Variants in SPTAN1 observed in about 807,000 individuals in gnomAD.
The protein encoded by SPTAN1 is spectrin alpha chain, non-erythrocytic 1.
In SPTAN1, 61 loss-of-function variants were observed where a neutral mutation model predicts 331.3. The ratio of observed to expected loss-of-function variants is 0.18; its 90% CI spans 0.15 to 0.23. The LOEUF is 0.23. Among genes scored for constraint, SPTAN1 ranks in the 10% least tolerant of loss-of-function variants. SPTAN1 has a pLI of 1.00. For missense variants in SPTAN1, 2,043 were observed against 3,147.9 expected, an observed-to-expected ratio of 0.65 and a Z score of 8.40; for synonymous variants, 1,153 against 1,173.9, an observed-to-expected ratio of 0.98 and a Z score of 0.36.
Position 128,584,532 on chromosome 9 carries a change from C to T in SPTAN1, c.2437+7C>T. ...GCCGCATCTACCAACAGAGGTCAGT[C>T]TGCTTCCCTCAGGTAGGAATCAACT... On this transcript the variant is annotated splice_region_variant and intron_variant, in intron 17 of 56. Coordinates refer to ENST00000372739, the MANE Select transcript of SPTAN1 (RefSeq NM_001130438.3). 1 of 1,614,096 alleles carries T rather than the reference C, an allele frequency of 6.2e-7. No homozygotes were observed. Among genetic ancestry groups the T allele is most frequent in the South Asian group, 1.1e-5 (1 of 91,032 alleles).
chr9:128,613,631 T>G (rs868702130), intron 40 of SPTAN1, 146 bp downstream of exon 40: 14 of 679,040 alleles, frequency 2.1e-5, no homozygotes, highest in Middle Eastern at 7.8e-4. Context: ...AGGATCATTA[T>G]ACACTTGGCA....
intron 33 of SPTAN1, 34 bp from the exon 34 acceptor site, chr9:128,608,096 C>T (rs1378006451): frequency 6.2e-7 from 1 of 1,614,182 alleles, no homozygotes; most frequent in South Asian, 1.1e-5. Flanking sequence ...TGCTGAAGGG[C>T]CTCATTTTCT....
rs886063496 is a variant in SPTAN1, at chr9:128,552,627, C to G, written c.-73C>G. On this transcript the variant is annotated 5_prime_UTR_variant, in exon 1 of 57. Transcript: ENST00000372739. The surrounding 1 kb of genome is among the most constrained non-coding windows in gnomAD (Gnocchi z 4.6). ...GGAGTGAACGGTGTGGAGCGGAGGC[C>G]GCGGAGGCTCCTCGGTCCTTCAGCA... is the stretch of plus-strand genomic sequence containing the variant. 1.3e-5 allele frequency: 2 copies of G among 151,616 alleles called. No homozygotes were observed. Among genetic ancestry groups the G allele is most frequent in the Non-Finnish European group, 2.9e-5 (2 of 67,890 alleles). 9.4% of individuals were successfully genotyped at this position (151,616 alleles called of 1,614,324 possible). A position where few individuals can be genotyped will look rare whatever the true frequency, so the allele number is the denominator to read the frequency against.
At chr9:128,597,460 A>G (rs1854462248) in intron 24 of SPTAN1, among the ~76,000 whole-genome samples, 1 of 152,078 alleles carries the variant, frequency 6.6e-6, no homozygotes. Context: ...GGAGGTAGAG[A>G]CTGCAGTGAT....
chr9:128,563,939 A>G (rs898626359), intron 1 of SPTAN1, among the ~76,000 whole-genome samples: 4 of 151,942 alleles, frequency 2.6e-5, no homozygotes, highest in Admixed American at 6.6e-5. Flanking sequence ...CGCCCGGCCT[A>G]TTCAACCAAC....
chr9:128,565,679 C>G (rs1213328429), intron 1 of SPTAN1, among the ~76,000 whole-genome samples: 2 of 152,226 alleles, frequency 1.3e-5, no homozygotes, highest in African/African-American at 2.4e-5. Context: ...ATTCCTAACT[C>G]TTAGCCTACT....
intron 37 of SPTAN1, among the ~76,000 whole-genome samples, chr9:128,610,027 T>C (rs939727142): frequency 6.6e-6 from 1 of 152,220 alleles, no homozygotes; most frequent in Non-Finnish European, 1.5e-5. Flanking sequence ...TCAGACTTGC[T>C]ATGAGCTCAT....
intron 24 of SPTAN1, among the ~76,000 whole-genome samples, 162 bp from the exon 25 acceptor site, chr9:128,598,238 A>G (rs1241851480): frequency 6.7e-6 from 1 of 150,202 alleles, no homozygotes; most frequent in Non-Finnish European, 1.5e-5. Context: ...GTGAGCCACC[A>G]TGCCCCCAGC....
chr9:128,557,798 TC>T lies in SPTAN1; in HGVS notation c.-4+5103del, dbSNP rs142346263. Reference sequence around the variant, plus strand: ...GTATCTTTGGATTAAATTAGAAATTTCTTTTTTTTTTTTTTTTTTTTTTGAG... The same window carrying T: ...GTATCTTTGGATTAAATTAGAAATTTTTTTTTTTTTTTTTTTTTTTTTGAG... On this transcript the variant is annotated intron_variant, in intron 1 of 56. Transcript: ENST00000372739. Among the ~76,000 whole-genome samples the T allele has an allele frequency of 5.4e-3, 685 of 127,116 alleles. 4 individuals are homozygous for T. Among genetic ancestry groups the T allele is most frequent in the African/African-American group, 0.017 (628 of 36,398 alleles). 83.4% of individuals were successfully genotyped at this position (127,116 alleles called of 152,430 possible).
At chr9:128,623,330 C>T (rs1403664209) in intron 45 of SPTAN1, among the ~76,000 whole-genome samples, 1 of 151,706 alleles carries the variant, frequency 6.6e-6, no homozygotes, top group East Asian at 1.9e-4. Flanking sequence ...TCGCCTTGTG[C>T]TGAAATTACA....
At chr9:128,603,363 G>A (rs1855423087) in intron 27 of SPTAN1, among the ~76,000 whole-genome samples, 180 bp from the exon 28 acceptor site, 1 of 152,108 alleles carries the variant, frequency 6.6e-6, no homozygotes, top group Non-Finnish European at 1.5e-5. Flanking sequence ...TGCACTTTGG[G>A]TATTTTCATG....
At chr9:128,612,886 T>C (rs1022197036) in intron 39 of SPTAN1, among the ~76,000 whole-genome samples, 2 of 151,850 alleles carry the variant, frequency 1.3e-5, no homozygotes, top group Non-Finnish European at 2.9e-5. Context: ...GATCACACCA[T>C]TGCACTCCAG....
chr9:128,604,660 G>A (rs1855589068), intron 29 of SPTAN1, among the ~76,000 whole-genome samples: 3 of 152,336 alleles, frequency 2.0e-5, no homozygotes, highest in Middle Eastern at 3.4e-3. Flanking sequence ...GGCTGGGCGT[G>A]GTGGCTCATG....
chr9:128,604,643 T>C (rs1337933359), intron 29 of SPTAN1, among the ~76,000 whole-genome samples: 1 of 152,154 alleles, frequency 6.6e-6, no homozygotes, highest in Non-Finnish European at 1.5e-5. Context: ...CTAAATAAAT[T>C]TTTTTAGGCT....
chr9:128,613,588 C>A, intron 40 of SPTAN1, 103 bp downstream of exon 40: 1 of 930,916 alleles, frequency 1.1e-6, no homozygotes, highest in Non-Finnish European at 1.7e-6. Context: ...ACTTCTTTCA[C>A]TTAAAGCAGC....
chr9:128,613,232 G>T, intron 39 of SPTAN1, 149 bp from the exon 40 acceptor site: 1 of 715,362 alleles, frequency 1.4e-6, no homozygotes. Flanking sequence ...GCTGATTGGG[G>T]TGGCTAGGAA....
Position 128,591,567 on chromosome 9 carries a change from G to A in SPTAN1, c.3097G>A (p.Glu1033Lys). 6.2e-7 allele frequency: 1 copy of A among 1,614,182 alleles called. No individual in the cohort carries two copies. The highest frequency in any genetic ancestry group is 8.5e-7 in the Non-Finnish European group (1 of 1,180,024). ...KLDPAQSASR[E>K]NLLEEQGSIA... ...GGACCCCGCCCAGTCAGCCTCCCGG[G>A]AGAATCTCCTGGAGGAGCAAGGCAG... The change falls in exon 22 of 57, where the codon GAG (glutamate) becomes AAG (lysine). Residue 1033 changes from glutamate to lysine, a missense_variant. Physicochemically the swap from Glu to Lys is moderately conservative, Grantham distance 56. Transcript: ENST00000372739.
chr9:128,582,420 A>C (rs1852055705), intron 12 of SPTAN1, 59 bp from the exon 13 acceptor site: 1 of 1,495,380 alleles, frequency 6.7e-7, no homozygotes, highest in Admixed American at 1.7e-5. Context: ...ACTTTTCTCC[A>C]GAGGCCAAGC....
rs770532796 is a variant in SPTAN1 at position 128,630,322 on chromosome 9, T to A, written c.6709T>A (p.Ser2237Thr). The change falls in exon 52 of 57, where the codon TCC becomes ACC. Residue 2237 changes from serine to threonine, a missense_variant and splice_region_variant. Coordinates refer to ENST00000372739, the MANE Select transcript of SPTAN1 (RefSeq NM_001130438.3). ...QETRTYLLDG[S>T]CMVEESGTLE... Reference sequence around the variant, plus strand: ...TCCTCACTGTCCTTCCACGTTTAGGTCCTGTATGGTGGAAGAGTCGGGGAC... The same window carrying A: ...TCCTCACTGTCCTTCCACGTTTAGGACCTGTATGGTGGAAGAGTCGGGGAC... 15 of 1,613,528 alleles carry A rather than the reference T, an allele frequency of 9.3e-6. No individual in the cohort carries two copies. The Admixed American group carries it at 2.5e-4, about 27-fold the overall frequency.
Sources: gnomAD v4.1 joint callset for allele counts (sites outside exome capture counted in the v4.1 genomes callset) on GRCh38, gnomAD v4.1.1 for gene constraint, Gnocchi (gnomAD v3.1) non-coding constraint, MANE v1.5 for transcripts, NCBI Gene and HGNC (gene_info 2026-07-23, HGNC 2026-07-21) for gene names.